Variants in SIRT1 observed in about 807,000 individuals in gnomAD.
The protein encoded by SIRT1 is NAD-dependent protein deacetylase sirtuin-1.
In SIRT1, 24 loss-of-function variants were observed where a neutral mutation model predicts 67.9. The observed-to-expected ratio is 0.35, with a 90% confidence interval of 0.26 to 0.50. The LOEUF (loss-of-function observed/expected upper bound fraction) is 0.50, where lower values mean the gene tolerates loss of function less well. Among genes scored for constraint, SIRT1 ranks in the 20% least tolerant of loss-of-function variants. SIRT1 has a pLI of 0.98. For synonymous variants in SIRT1, 378 were observed against 350.7 expected, an observed-to-expected ratio of 1.08 and a Z score of -0.87; for missense variants, 873 against 937.2, an observed-to-expected ratio of 0.93 and a Z score of 0.89.
intron 4 of SIRT1, among the ~76,000 whole-genome samples, chr10:67,900,308 G>A (rs1375860543): frequency 1.3e-5 from 2 of 151,954 alleles, no homozygotes; most frequent in African/African-American, 4.8e-5. Context: ...ACCACGCCCA[G>A]CTAATTTGTA....
intron 6 of SIRT1, among the ~76,000 whole-genome samples, chr10:67,908,970 T>C (rs538007106): frequency 7.2e-5 from 11 of 152,178 alleles, no homozygotes; most frequent in Non-Finnish European, 1.6e-4. Flanking sequence ...AATTCCCATT[T>C]AGTGTATATA....
At chr10:67,889,671 G>A (rs1229691995) in intron 3 of SIRT1, among the ~76,000 whole-genome samples, 2 of 152,196 alleles carry the variant, frequency 1.3e-5, no homozygotes. Context: ...TTTATACAGA[G>A]TATATTACAT....
Position 67,898,624 on chromosome 10 carries a change from A to G in SIRT1, c.942+7070A>G, listed in dbSNP as rs551171249. Among the ~76,000 whole-genome samples, 7 of 152,354 alleles carry G rather than the reference A, an allele frequency of 4.6e-5. No homozygotes were observed. In the South Asian group the frequency reaches 1.0e-3, roughly 23 times the overall value. On this transcript the variant is annotated intron_variant, in intron 4 of 8. Coordinates refer to ENST00000212015, the MANE Select transcript of SIRT1 (RefSeq NM_012238.5). ...AATACTCAACATGTATATGGATTAT[A>G]TATCTATACGTTTATAGTATTGTAG...
At chr10:67,889,420 C>G (rs1842534713) in intron 3 of SIRT1, among the ~76,000 whole-genome samples, 1 of 152,176 alleles carries the variant, frequency 6.6e-6, no homozygotes, top group Non-Finnish European at 1.5e-5. Flanking sequence ...AATTGAAACT[C>G]TGCTTTTGTT....
At chr10:67,892,518 AC>A (rs2131854159) in intron 4 of SIRT1, among the ~76,000 whole-genome samples, 1 of 152,206 alleles carries the variant, frequency 6.6e-6, no homozygotes, top group African/African-American at 2.4e-5. Context: ...GACTGAGTGA[AC>A]CATGATCTGC....
At chr10:67,913,148 G>C in intron 8 of SIRT1, 117 bp downstream of exon 8, 1 of 1,019,500 alleles carries the variant, frequency 9.8e-7, no homozygotes, top group Non-Finnish European at 1.4e-6. Context: ...ATTCTGTTTA[G>C]AGAAACTGTA....
At chr10:67,886,692 A>G (rs1031970253) in intron 1 of SIRT1, among the ~76,000 whole-genome samples, 9 of 152,076 alleles carry the variant, frequency 5.9e-5, no homozygotes, top group African/African-American at 2.2e-4. Flanking sequence ...TGTTTATTTA[A>G]TAGAGGAAAC....
chr10:67,911,106 T>G (rs1197425237), intron 7 of SIRT1, among the ~76,000 whole-genome samples: 1 of 152,252 alleles, frequency 6.6e-6, no homozygotes, highest in Non-Finnish European at 1.5e-5. Context: ...AATTTGCAAT[T>G]AAATGAAACA....
At chr10:67,896,704 G>T (rs192802692) in intron 4 of SIRT1, among the ~76,000 whole-genome samples, 6 of 145,708 alleles carry the variant, frequency 4.1e-5, no homozygotes, top group Admixed American at 2.1e-4. Context: ...TGAGTTTGCC[G>T]TGAGCTGAGA....
intron 8 of SIRT1, 61 bp from the exon 9 acceptor site, chr10:67,916,204 A>T: frequency 1.4e-6 from 2 of 1,415,828 alleles, no homozygotes; most frequent in Admixed American, 3.9e-5. Context: ...TTCATTCCAG[A>T]CTGCTCAGAC....
rs1342449903 is a variant in SIRT1, at chr10:67,892,746, C to T, written c.942+1192C>T. Among the ~76,000 whole-genome samples the T allele has an allele frequency of 4.6e-5, 7 of 152,138 alleles. No individual in the cohort carries two copies. The East Asian group carries it at 7.7e-4, about 17-fold the overall frequency. On this transcript the variant is annotated intron_variant, in intron 4 of 8. Transcript: ENST00000212015. ...CATCCTGAGTAGCTGGGATTACAGG[C>T]GCCCGCTACCATGCCCAGCTAATTT...
At chr10:67,897,181 G>T (rs916998403) in intron 4 of SIRT1, among the ~76,000 whole-genome samples, 4 of 151,884 alleles carry the variant, frequency 2.6e-5, no homozygotes, top group Non-Finnish European at 5.9e-5. Context: ...TACTCTCTGA[G>T]CACCAGTGTG....
intron 8 of SIRT1, among the ~76,000 whole-genome samples, chr10:67,913,519 T>A (rs1468719948): frequency 2.0e-5 from 3 of 152,240 alleles, no homozygotes; most frequent in African/African-American, 7.2e-5. Flanking sequence ...GTCTCAGATG[T>A]AGAACACATC....
At position 67,916,884 on chromosome 10, in the gene SIRT1, T is replaced by TTCA. The variant is rs2029936611; in HGVS notation, c.*293_*295dup. On this transcript the variant is annotated 3_prime_UTR_variant, in exon 9 of 9. Coordinates refer to ENST00000212015, the MANE Select transcript of SIRT1 (RefSeq NM_012238.5). ...TTTAAAGGTTCATTTGTATGATAAA[T>TTCA]TCATATGTGTATATATAATTTTTTT... The TTCA allele has an allele frequency of 4.8e-6, 1 of 208,772 alleles. No homozygotes were observed. Among genetic ancestry groups the TTCA allele is most frequent in the African/African-American group, 2.3e-5 (1 of 43,494 alleles). 12.9% of individuals were successfully genotyped at this position (208,772 alleles called of 1,614,324 possible). A position where few individuals can be genotyped will look rare whatever the true frequency, so the allele number is the denominator to read the frequency against.
At chr10:67,903,495 C>T (rs1477031104) in intron 4 of SIRT1, among the ~76,000 whole-genome samples, 3 of 152,036 alleles carry the variant, frequency 2.0e-5, no homozygotes, top group Non-Finnish European at 2.9e-5. Flanking sequence ...CGCCATTCTC[C>T]TGCCTTAGCC....
chr10:67,902,539 T>C (rs1842760064), intron 4 of SIRT1, among the ~76,000 whole-genome samples: 1 of 152,260 alleles, frequency 6.6e-6, no homozygotes, highest in African/African-American at 2.4e-5. Flanking sequence ...ATATGACCAA[T>C]TTATTAGTAT....
intron 4 of SIRT1, among the ~76,000 whole-genome samples, chr10:67,903,391 C>G (rs1589078505): frequency 6.7e-6 from 1 of 148,206 alleles, no homozygotes; most frequent in Admixed American, 6.7e-5. Context: ...GCAGATAGTT[C>G]TTTTTTTTTT....
chr10:67,912,599 G>C lies in SIRT1; in HGVS notation c.1483G>C (p.Gly495Arg). The stretch of plus-strand genomic sequence containing the variant: ...TAATGAATTGTGTCATAGGTTAGGT[G>C]GTGAATATGCCAAACTTTGCTGTAA... ...IINELCHRLG[G>R]EYAKLCCNPV... Residue 495 changes from glycine to arginine, a missense_variant, in exon 8 of 9, where the codon GGT becomes CGT. Coordinates refer to ENST00000212015, the MANE Select transcript of SIRT1 (RefSeq NM_012238.5). 1.2e-6 allele frequency: 2 copies of C among 1,614,094 alleles called. No homozygotes were observed. The highest frequency in any genetic ancestry group is 1.1e-5 in the South Asian group (1 of 91,074).
At position 67,906,915 on chromosome 10, in the gene SIRT1, C is replaced by G. The variant is rs1017283750; in HGVS notation, c.1068C>G (p.Ile356Met). The change falls in exon 5 of 9, where the codon ATC (isoleucine) becomes ATG (methionine). Residue 356 changes from isoleucine (I) to methionine (M), a missense_variant. Physicochemically the swap from Ile to Met is conservative, Grantham distance 10. Transcript: ENST00000212015. ...ACACGCTGGAACAGGTTGCGGGAAT[C>G]CAAAGGATAATTCAGTGTCATGGTT... ...NIDTLEQVAGIQRIIQCHGSF... is the reference protein window; with the variant it reads ...NIDTLEQVAGMQRIIQCHGSF... The G allele has an allele frequency of 6.2e-7, 1 of 1,606,098 alleles. No homozygotes were observed. The highest frequency in any genetic ancestry group is 1.7e-5 in the Admixed American group (1 of 58,190).
Sources: gnomAD v4.1 joint callset for allele counts (sites outside exome capture counted in the v4.1 genomes callset) on GRCh38, gnomAD v4.1.1 for gene constraint, MANE v1.5 for transcripts, NCBI Gene and HGNC (gene_info 2026-07-23, HGNC 2026-07-21) for gene names.